Variants in CELSR1 observed in about 807,000 individuals in gnomAD.
CELSR1 encodes the protein cadherin EGF LAG seven-pass G-type receptor 1.
CELSR1 carries 110 observed loss-of-function variants against 249.1 expected under a neutral mutation model. The observed-to-expected ratio is 0.44, with a 90% CI of 0.38 to 0.52. The LOEUF is 0.52. CELSR1 is among the 20% of genes least tolerant of loss of function. CELSR1 has a pLI of 0.00. For synonymous variants in CELSR1, 2,113 were observed against 1,900.0 expected (o/e 1.11, Z -2.92); for missense variants, 4,109 against 4,296.4 (o/e 0.96, Z 1.22).
rs928060832 is a variant in CELSR1, at chr22:46,471,884, G to A, written c.3545-7539C>T. ...TCTGGGACCTGTACAGTTTTCAGGG[G>A]CTGCGGTCTGTGGCCTTCAGGTGAT... On this transcript the variant is annotated intron_variant, in intron 1 of 34. Transcript: ENST00000674500. This position sits in a 1 kb window ranked among gnomAD's most constrained non-coding sequence, Gnocchi z 4.9. Among the ~76,000 whole-genome samples, 3 of 152,134 alleles carry A rather than the reference G, an allele frequency of 2.0e-5. No homozygotes were observed. The highest frequency in any genetic ancestry group is 4.8e-5 in the African/African-American group (2 of 41,432).
intron 1 of CELSR1, among the ~76,000 whole-genome samples, chr22:46,533,379 G>A (rs1161843329): frequency 6.6e-6 from 1 of 152,268 alleles, no homozygotes; most frequent in African/African-American, 2.4e-5. Context: ...CCCCGGTCTT[G>A]AACTTGGGAG....
At chr22:46,514,471 C>A (rs573459150) in intron 1 of CELSR1, among the ~76,000 whole-genome samples, 1 of 152,328 alleles carries the variant, frequency 6.6e-6, no homozygotes, top group African/African-American at 2.4e-5. Flanking sequence ...AGGCCACACA[C>A]CTCTGGCTGC....
chr22:46,506,334 G>A lies in CELSR1; in HGVS notation c.3544+27293C>T, dbSNP rs952795637. ...TGGCCTGGGGGAGCAGCAGAGCCCCGCAGGCCCTGTTGGGGTTTGGGGAGG... is the reference window on the plus strand; with the variant it reads ...TGGCCTGGGGGAGCAGCAGAGCCCCACAGGCCCTGTTGGGGTTTGGGGAGG... On this transcript the variant is annotated intron_variant, in intron 1 of 34. Coordinates refer to ENST00000674500, the MANE Select transcript of CELSR1 (RefSeq NM_001378328.1). The surrounding 1 kb of genome is among the most constrained non-coding windows in gnomAD (Gnocchi z 4.1). Among the ~76,000 whole-genome samples, 3 of 152,154 alleles carry A rather than the reference G, an allele frequency of 2.0e-5. No individual in the cohort carries two copies. The highest frequency in any genetic ancestry group is 2.9e-5 in the Non-Finnish European group (2 of 68,016).
intron 11 of CELSR1, 143 bp from the exon 12 acceptor site, chr22:46,397,991 G>C: frequency 1.3e-6 from 1 of 759,618 alleles, no homozygotes; most frequent in Non-Finnish European, 1.9e-6. Flanking sequence ...GGGCAGGGTT[G>C]TTCCTCTTGC....
At chr22:46,388,496 C>T (rs562083605) in intron 18 of CELSR1, among the ~76,000 whole-genome samples, 1 of 152,074 alleles carries the variant, frequency 6.6e-6, no homozygotes, top group African/African-American at 2.4e-5. Context: ...CGGCCTTATG[C>T]AGACTAGAAG....
Position 46,380,517 on chromosome 22 carries a change from G to T in CELSR1, c.7256+271C>A, listed in dbSNP as rs1050137832. Among the ~76,000 whole-genome samples, 1 of 152,238 alleles carries T rather than the reference G, an allele frequency of 6.6e-6. No homozygotes were observed. The highest frequency in any genetic ancestry group is 6.5e-5 in the Admixed American group (1 of 15,290). ...CGCAGGTGAGGGGTCCCCTTCCTGG[G>T]TGTCAGCCTTGAGGGATCTCTCTGT... On this transcript the variant is annotated intron_variant, in intron 22 of 34. Coordinates refer to ENST00000674500, the MANE Select transcript of CELSR1 (RefSeq NM_001378328.1). The surrounding 1 kb of genome is among the most constrained non-coding windows in gnomAD (Gnocchi z 5.1).
chr22:46,367,199 T>G, intron 28 of CELSR1, 81 bp from the exon 29 acceptor site: 1 of 1,519,746 alleles, frequency 6.6e-7, no homozygotes. Flanking sequence ...CAGATGCGCA[T>G]ACAGCCTTGA....
rs1213470769 is a variant in CELSR1 at position 46,491,637 on chromosome 22, C to T, written c.3545-27292G>A. On this transcript the variant is annotated intron_variant, in intron 1 of 34. Transcript: ENST00000674500. ...AACATAGTCTCTATTCTCTCTCTCT[C>T]TTTTTTTTTTTTTTTTAGACAGGGT... is the stretch of plus-strand genomic sequence containing the variant. Among the ~76,000 whole-genome samples the T allele has an allele frequency of 1.0e-4, 14 of 136,254 alleles. No homozygotes were observed. In the East Asian group the frequency reaches 1.8e-3, roughly 18 times the overall value. 89.4% of individuals were successfully genotyped at this position (136,254 alleles called of 152,430 possible).
Position 46,535,452 on chromosome 22 carries a change from C to T in CELSR1, c.1719G>A (p.Thr573=), listed in dbSNP as rs759822220. Residue 573 remains threonine (T), a synonymous_variant, in exon 1 of 35, where the codon ACG becomes ACA. Coordinates refer to ENST00000674500, the MANE Select transcript of CELSR1 (RefSeq NM_001378328.1). ...AGCCCAGGGGCACATTCTCCAGCAC[C>T]GTGGCCTGGAAGGGGCTGCTCACAA... ...PIFVSSPFQA[T]VLENVPLGYP... The T allele has an allele frequency of 1.2e-6, 2 of 1,609,384 alleles. No individual in the cohort carries two copies. Among genetic ancestry groups the T allele is most frequent in the East Asian group, 2.2e-5 (1 of 44,850 alleles).
Position 46,374,440 on chromosome 22 carries a change from T to C in CELSR1, c.7585-1383A>G, listed in dbSNP as rs2078895117. ...GGATGCATAATAAATCATTTCAGCC[T>C]GCCAGCGCTCTGAGAGATGAAAAAC... is the stretch of plus-strand genomic sequence containing the variant. On this transcript the variant is annotated intron_variant, in intron 24 of 34. Transcript: ENST00000674500. This position sits in a 1 kb window ranked among gnomAD's most constrained non-coding sequence, Gnocchi z 4.3. Among the ~76,000 whole-genome samples the C allele has an allele frequency of 6.6e-6, 1 of 152,178 alleles. No individual in the cohort carries two copies. The highest frequency in any genetic ancestry group is 1.5e-5 in the Non-Finnish European group (1 of 68,038).
At position 46,433,375 on chromosome 22, in the gene CELSR1, T is replaced by C. The variant is rs764375344; in HGVS notation, c.4611+18A>G. Reference sequence around the variant, plus strand: ...GAGCCGCCCTGGGGCCAGGGGGAAGTGGTGGGGCCCATCTTACCTTGTTGT... The same window carrying C: ...GAGCCGCCCTGGGGCCAGGGGGAAGCGGTGGGGCCCATCTTACCTTGTTGT... On this transcript the variant is annotated intron_variant, in intron 5 of 34. Transcript: ENST00000674500. This position sits in a 1 kb window ranked among gnomAD's most constrained non-coding sequence, Gnocchi z 5.7. 6.2e-7 allele frequency: 1 copy of C among 1,605,658 alleles called. No homozygotes were observed. Among genetic ancestry groups the C allele is most frequent in the Admixed American group, 1.7e-5 (1 of 59,748 alleles).
intron 12 of CELSR1, among the ~76,000 whole-genome samples, 186 bp downstream of exon 12, chr22:46,397,488 T>C (rs1356043795): frequency 1.3e-5 from 2 of 152,040 alleles, no homozygotes; most frequent in African/African-American, 4.8e-5. Context: ...ACTCTGTGCC[T>C]TGAGTAAGGA....
At chr22:46,376,959 G>A in intron 24 of CELSR1, 102 bp downstream of exon 24, 1 of 1,176,726 alleles carries the variant, frequency 8.5e-7, no homozygotes, top group Non-Finnish European at 1.2e-6. Flanking sequence ...TGGGGGTGGT[G>A]AGGAGGAGCT....
rs891704624 is a variant in CELSR1 at position 46,363,467 on chromosome 22, C to G, written c.9036-220G>C. 5 of 513,166 alleles carry G rather than the reference C, an allele frequency of 9.7e-6. No individual in the cohort carries two copies. In the Admixed American group the frequency reaches 1.6e-4, roughly 16 times the overall value. 31.8% of individuals were successfully genotyped at this position (513,166 alleles called of 1,614,324 possible). A position where few individuals can be genotyped will look rare whatever the true frequency, so the allele number is the denominator to read the frequency against. ...GTGGGCCTCTGTGTTGCTGGTCTTT[C>G]AGAAGAGCGCAAGGAATCCACGTTA... On this transcript the variant is annotated intron_variant, in intron 34 of 34. Transcript: ENST00000674500. The surrounding 1 kb of genome is among the most constrained non-coding windows in gnomAD (Gnocchi z 4.3).
At position 46,398,668 on chromosome 22, in the gene CELSR1, G is replaced by T; in HGVS notation, c.5413-31C>A. 1 of 1,548,612 alleles carries T rather than the reference G, an allele frequency of 6.5e-7. No individual in the cohort carries two copies. ...CGGAGAGAGGGGCCGGGGATCTGGG[G>T]GCTGCATCCACCATCCTAGAAACGT... is the stretch of plus-strand genomic sequence containing the variant. On this transcript the variant is annotated intron_variant, in intron 10 of 34. Coordinates refer to ENST00000674500, the MANE Select transcript of CELSR1 (RefSeq NM_001378328.1). The surrounding 1 kb of genome is among the most constrained non-coding windows in gnomAD (Gnocchi z 7.2).
At chr22:46,418,775 G>A (rs1193267916) in intron 5 of CELSR1, among the ~76,000 whole-genome samples, 2 of 152,210 alleles carry the variant, frequency 1.3e-5, no homozygotes, top group African/African-American at 2.4e-5. Context: ...AGAACCAACC[G>A]GTCACCTAGA....
In CELSR1 at chr22:46,365,708, G is replaced by A; in HGVS notation, c.8301-19C>T. 6.5e-7 allele frequency: 1 copy of A among 1,543,688 alleles called. No individual in the cohort carries two copies. The highest frequency in any genetic ancestry group is 8.8e-7 in the Non-Finnish European group (1 of 1,138,286). On this transcript the variant is annotated intron_variant, in intron 30 of 34. Transcript: ENST00000674500. Reference sequence around the variant, plus strand: ...TTCATCCCTAGAGAGGCCAGGGAGGGTGGGCTCAGTATCATCCGTCAGGGA... The same window carrying A: ...TTCATCCCTAGAGAGGCCAGGGAGGATGGGCTCAGTATCATCCGTCAGGGA...
intron 9 of CELSR1, among the ~76,000 whole-genome samples, chr22:46,405,403 TG>T (rs1244934995): frequency 7.2e-6 from 1 of 138,160 alleles, no homozygotes; most frequent in Non-Finnish European, 1.5e-5. Context: ...GAGCTTGCAA[TG>T]GGCTGAGATC....
At chr22:46,382,478 T>G (rs911410235) in intron 20 of CELSR1, among the ~76,000 whole-genome samples, 3 of 151,924 alleles carry the variant, frequency 2.0e-5, no homozygotes, top group Non-Finnish European at 4.4e-5. Context: ...GAGTTTCACC[T>G]TGTTAGCCAG....
Sources: gnomAD v4.1 joint callset for allele counts (sites outside exome capture counted in the v4.1 genomes callset) on GRCh38, gnomAD v4.1.1 for gene constraint, Gnocchi (gnomAD v3.1) non-coding constraint, MANE v1.5 for transcripts, NCBI Gene and HGNC (gene_info 2026-07-23, HGNC 2026-07-21) for gene names.